The following GRID1 variants were observed in gnomAD, a reference collection of about 807,000 sequenced individuals.
GRID1 encodes glutamate receptor ionotropic, delta-1.
GRID1 carries 28 observed loss-of-function variants against 98.0 expected under a neutral mutation model. The ratio of observed to expected loss-of-function variants is 0.29; its 90% CI spans 0.21 to 0.39. The LOEUF (loss-of-function observed/expected upper bound fraction) is 0.39, where lower values mean the gene tolerates loss of function less well. Ranked by LOEUF, GRID1 falls within the 10% of genes least tolerant of loss-of-function variation. GRID1 has a pLI of 1.00. For missense variants in GRID1, 1,111 were observed against 1,340.5 expected (o/e 0.83, Z 2.67); for synonymous variants, 553 against 538.5 (o/e 1.03, Z -0.37).
At chr10:86,051,141 A>G (rs1332280095) in intron 4 of GRID1, among the ~76,000 whole-genome samples, 1 of 151,656 alleles carries the variant, frequency 6.6e-6, no homozygotes, top group East Asian at 1.9e-4. Context: ...TAATTAAAAC[A>G]GTGTGGTACA....
intron 5 of GRID1, among the ~76,000 whole-genome samples, chr10:85,870,393 T>G (rs769986559): frequency 3.3e-5 from 5 of 152,254 alleles, no homozygotes; most frequent in Non-Finnish European, 5.9e-5. Context: ...TTTGAGGTTT[T>G]GGGACTCAGA....
chr10:86,257,273 T>C (rs1431950069), intron 2 of GRID1, among the ~76,000 whole-genome samples: 2 of 152,178 alleles, frequency 1.3e-5, no homozygotes, highest in Non-Finnish European at 2.9e-5. Context: ...GTGATAGGCC[T>C]TAGGGCTCTA....
At chr10:86,350,047 G>C (rs752548742) in intron 2 of GRID1, among the ~76,000 whole-genome samples, 1 of 152,256 alleles carries the variant, frequency 6.6e-6, no homozygotes, top group Non-Finnish European at 1.5e-5. Flanking sequence ...CAAAGGCCAA[G>C]AAGGGGCCCA....
At chr10:86,246,727 G>A (rs1287806611) in intron 2 of GRID1, among the ~76,000 whole-genome samples, 1 of 152,124 alleles carries the variant, frequency 6.6e-6, no homozygotes, top group Non-Finnish European at 1.5e-5. Context: ...CACCCACAGG[G>A]AATGGCACAG....
At chr10:86,067,147 A>C (rs1325501157) in intron 4 of GRID1, among the ~76,000 whole-genome samples, 1 of 152,206 alleles carries the variant, frequency 6.6e-6, no homozygotes. Flanking sequence ...AGATAATGCC[A>C]CTGACAAGGG....
At chr10:85,747,369 A>T (rs1842007336) in intron 8 of GRID1, among the ~76,000 whole-genome samples, 1 of 152,152 alleles carries the variant, frequency 6.6e-6, no homozygotes, top group Non-Finnish European at 1.5e-5. Context: ...ATGAAATCTC[A>T]TCTGGACTGG....
intron 12 of GRID1, among the ~76,000 whole-genome samples, chr10:85,682,920 A>G (rs1841226842): frequency 6.6e-6 from 1 of 152,248 alleles, no homozygotes; most frequent in Non-Finnish European, 1.5e-5. Context: ...GGAAGATGGC[A>G]CATGGCTAGG....
At chr10:85,801,689 A>G (rs1254545630) in intron 8 of GRID1, among the ~76,000 whole-genome samples, 1 of 151,840 alleles carries the variant, frequency 6.6e-6, no homozygotes, top group East Asian at 1.9e-4. Flanking sequence ...CATTTAATAA[A>G]CATAACCATA....
intron 4 of GRID1, among the ~76,000 whole-genome samples, chr10:85,974,122 T>C (rs1379729678): frequency 6.6e-6 from 1 of 152,222 alleles, no homozygotes; most frequent in Non-Finnish European, 1.5e-5. Context: ...GGAAAGTCTA[T>C]GCTCAGAACT....
intron 4 of GRID1, among the ~76,000 whole-genome samples, chr10:86,037,877 C>T (rs940899829): frequency 3.3e-5 from 5 of 151,910 alleles, no homozygotes; most frequent in African/African-American, 1.2e-4. Context: ...TGTGTCCCCC[C>T]AAAATTCATA....
intron 3 of GRID1, among the ~76,000 whole-genome samples, chr10:86,164,016 A>G (rs2131988375): frequency 6.6e-6 from 1 of 152,028 alleles, no homozygotes; most frequent in African/African-American, 2.4e-5. Context: ...GGTGCTGCTC[A>G]CTCCAGCTGG....
At chr10:85,666,757 G>A (rs1481862975) in intron 12 of GRID1, among the ~76,000 whole-genome samples, 2 of 152,020 alleles carry the variant, frequency 1.3e-5, no homozygotes, top group African/African-American at 4.8e-5. Context: ...GACATCTATG[G>A]GCATCTAACA....
In GRID1 at chr10:86,007,264, A is replaced by C. The variant is rs188844043; in HGVS notation, c.727-91025T>G. Among the ~76,000 whole-genome samples, 534 of 152,376 alleles carry C rather than the reference A, an allele frequency of 3.5e-3. 3 individuals are homozygous for C. The highest frequency in any genetic ancestry group is 0.012 in the African/African-American group (504 of 41,588). ...AACTAGAACTAGATTTGTTGTGGGA[A>C]GGGGCTCTCAGAGCTTCTCTGCCGC... On this transcript the variant is annotated intron_variant, in intron 4 of 15. Coordinates refer to ENST00000327946, the MANE Select transcript of GRID1 (RefSeq NM_017551.3).
rs531536437 is a variant in GRID1, at chr10:86,077,595, C to G, written c.726+61224G>C. ...TCTCCATGTGTGTAGACATCCTGCA[C>G]AGACCTCCATTCGAACACATATTGT... is the stretch of plus-strand genomic sequence containing the variant. On this transcript the variant is annotated intron_variant, in intron 4 of 15. Coordinates refer to ENST00000327946, the MANE Select transcript of GRID1 (RefSeq NM_017551.3). 5.3e-5 allele frequency among the ~76,000 whole-genome samples: 8 copies of G among 152,344 alleles called. No homozygotes were observed. In the South Asian group the frequency reaches 1.2e-3, roughly 24 times the overall value.
At chr10:85,850,284 C>A (rs868237030) in intron 8 of GRID1, among the ~76,000 whole-genome samples, 1 of 152,214 alleles carries the variant, frequency 6.6e-6, no homozygotes, top group African/African-American at 2.4e-5. Context: ...GAAATGTTTC[C>A]TCTGGGCTAT....
chr10:85,652,667 T>C (rs1840838450), intron 12 of GRID1, among the ~76,000 whole-genome samples: 2 of 152,034 alleles, frequency 1.3e-5, no homozygotes, highest in Admixed American at 1.3e-4. Context: ...CAATCTGGAG[T>C]GCCTGGATAG....
At chr10:86,287,987 C>T (rs974935561) in intron 2 of GRID1, among the ~76,000 whole-genome samples, 1 of 152,180 alleles carries the variant, frequency 6.6e-6, no homozygotes, top group Non-Finnish European at 1.5e-5. Context: ...CACCACCCTT[C>T]AAGCCTGCCC....
At chr10:85,708,113 TAAAA>T (rs768805148) in intron 12 of GRID1, among the ~76,000 whole-genome samples, 3,616 of 120,918 alleles carry the variant, frequency 0.03, 145 homozygotes, top group African/African-American at 0.094. Context: ...TAAAGTATAA[TAAAA>T]AAAAAAAAAA....
chr10:86,032,886 T>C (rs1034986387), intron 4 of GRID1, among the ~76,000 whole-genome samples: 1 of 150,546 alleles, frequency 6.6e-6, no homozygotes, highest in Admixed American at 6.6e-5. Context: ...CCATTCAGTA[T>C]TCAAATTTCC....
Sources: allele counts gnomAD v4.1 joint callset (sites outside exome capture counted in the v4.1 genomes callset), GRCh38; gene constraint gnomAD v4.1.1; transcripts MANE v1.5; gene names NCBI Gene and HGNC (gene_info 2026-07-23, HGNC 2026-07-21).